PXDNL: variants seen among roughly 807,000 people sequenced by gnomAD.
The protein encoded by PXDNL is peroxidasin like, also known as probable oxidoreductase PXDNL.
A neutral mutation model predicts 150.8 loss-of-function variants in PXDNL; 145 were observed. The ratio of observed to expected loss-of-function variants is 0.96; its 90% CI spans 0.84 to 1.10. The LOEUF (loss-of-function observed/expected upper bound fraction) is 1.10, where lower values mean the gene tolerates loss of function less well. Among genes scored for constraint, PXDNL ranks in the 50% least tolerant of loss-of-function variants. The probability of loss-of-function intolerance (pLI) is 0.00; values close to 1 mark genes in which losing one functional copy is unlikely to be tolerated. For synonymous variants in PXDNL, 757 were observed against 725.7 expected (o/e 1.04, Z -0.69); for missense variants, 2,087 against 1,873.9 (o/e 1.11, Z -2.10).
Position 51,524,225 on chromosome 8 carries a change from G to A in PXDNL, c.381-24455C>T, listed in dbSNP as rs906652112. ...ACGCTCCCTAACATGACATCTAGTTGTTTTCATCCTCTGAAAAGCTGTTTT... is the reference window on the plus strand; with the variant it reads ...ACGCTCCCTAACATGACATCTAGTTATTTTCATCCTCTGAAAAGCTGTTTT... On this transcript the variant is annotated intron_variant, in intron 4 of 22. Transcript: ENST00000356297. Among the ~76,000 whole-genome samples, 10 of 152,186 alleles carry A rather than the reference G, an allele frequency of 6.6e-5. No individual in the cohort carries two copies. In the East Asian group the frequency reaches 1.5e-3, roughly 24 times the overall value.
chr8:51,378,912 C>T (rs1045395557), intron 17 of PXDNL, among the ~76,000 whole-genome samples: 5 of 152,154 alleles, frequency 3.3e-5, no homozygotes, highest in South Asian at 4.2e-4. Context: ...GTAACACTCA[C>T]GGCGAGGGTC....
intron 7 of PXDNL, among the ~76,000 whole-genome samples, chr8:51,472,945 A>T (rs1249673292): frequency 6.6e-6 from 1 of 152,172 alleles, no homozygotes; most frequent in East Asian, 1.9e-4. Flanking sequence ...AGTTTCACCT[A>T]ATTCTCTTTA....
At chr8:51,659,970 AACCTCC>A (rs1425289113) in intron 1 of PXDNL, among the ~76,000 whole-genome samples, 2 of 151,644 alleles carry the variant, frequency 1.3e-5, no homozygotes, top group Non-Finnish European at 2.9e-5. Context: ...AGCTCACTGC[AACCTCC>A]ACCTCCGAGT....
intron 5 of PXDNL, among the ~76,000 whole-genome samples, chr8:51,486,994 C>G (rs1327661055): frequency 6.6e-6 from 1 of 151,100 alleles, no homozygotes; most frequent in African/African-American, 2.4e-5. Flanking sequence ...GGGGTTTCAC[C>G]ATGTTGGCCA....
intron 2 of PXDNL, among the ~76,000 whole-genome samples, chr8:51,645,491 G>A (rs1814899008): frequency 6.6e-6 from 1 of 152,190 alleles, no homozygotes; most frequent in African/African-American, 2.4e-5. Context: ...CTGGTAAAAA[G>A]AGACAGGGAG....
chr8:51,356,086 A>G (rs1218168427), intron 19 of PXDNL, among the ~76,000 whole-genome samples: 1 of 152,252 alleles, frequency 6.6e-6, no homozygotes, highest in Non-Finnish European at 1.5e-5. Flanking sequence ...AACTGAGAGC[A>G]AATTACTTAA....
intron 16 of PXDNL, among the ~76,000 whole-genome samples, chr8:51,410,434 T>A (rs1808596088): frequency 6.6e-6 from 1 of 152,220 alleles, no homozygotes. Context: ...GGTATCTGGA[T>A]ATTTTGCCTC....
intron 4 of PXDNL, among the ~76,000 whole-genome samples, chr8:51,550,675 A>C (rs10105910): frequency 0.36 from 55,304 of 151,968 alleles, 11,309 homozygotes; most frequent in African/African-American, 0.54. Flanking sequence ...ATAGAAGGGA[A>C]ATACCCTAAG....
At chr8:51,672,892 G>A (rs1815529441) in intron 1 of PXDNL, among the ~76,000 whole-genome samples, 1 of 152,042 alleles carries the variant, frequency 6.6e-6, no homozygotes, top group South Asian at 2.1e-4. Flanking sequence ...CCAATTTTAA[G>A]AAAATATATT....
chr8:51,506,369 C>T lies in PXDNL; in HGVS notation c.381-6599G>A, dbSNP rs771159309. ...CATCCTGGCCAACATGGTGAAACCC[C>T]GTCTCTACTAAAAATACAAAAATTA... On this transcript the variant is annotated intron_variant, in intron 4 of 22. Coordinates refer to ENST00000356297, the MANE Select transcript of PXDNL (RefSeq NM_144651.5). Among the ~76,000 whole-genome samples, 410 of 151,768 alleles carry T rather than the reference C, an allele frequency of 2.7e-3. 1 individual carries two copies. The highest frequency in any genetic ancestry group is 3.8e-3 in the Non-Finnish European group (258 of 67,886).
Position 51,504,328 on chromosome 8 carries a change from G to T in PXDNL, c.381-4558C>A, listed in dbSNP as rs138835379. Among the ~76,000 whole-genome samples, 14 of 152,244 alleles carry T rather than the reference G, an allele frequency of 9.2e-5. No individual in the cohort carries two copies. In the East Asian group the frequency reaches 2.5e-3, roughly 27 times the overall value. On this transcript the variant is annotated intron_variant, in intron 4 of 22. Coordinates refer to ENST00000356297, the MANE Select transcript of PXDNL (RefSeq NM_144651.5). ...AGAGCCCAAGTTCCAGCCTGGTCTT[G>T]CCTGTAAATGCCCTTCCAGTATCCC... is the stretch of plus-strand genomic sequence containing the variant.
intron 17 of PXDNL, among the ~76,000 whole-genome samples, chr8:51,397,836 T>A (rs532567229): frequency 6.6e-6 from 1 of 152,074 alleles, no homozygotes; most frequent in Non-Finnish European, 1.5e-5. Context: ...ACATGTGCCA[T>A]GTTGGTGTGC....
chr8:51,651,988 A>G (rs16916660), intron 2 of PXDNL, among the ~76,000 whole-genome samples: 18,531 of 152,150 alleles, frequency 0.12, 1,930 homozygotes, highest in African/African-American at 0.27. Flanking sequence ...ACCTCTTAGC[A>G]AGCTCTGTTT....
intron 1 of PXDNL, among the ~76,000 whole-genome samples, chr8:51,798,668 A>G (rs1158201349): frequency 6.6e-6 from 1 of 152,246 alleles, no homozygotes; most frequent in Non-Finnish European, 1.5e-5. Flanking sequence ...TGATTATTAA[A>G]AAGTCAAGAA....
intron 1 of PXDNL, among the ~76,000 whole-genome samples, chr8:51,756,404 AAAAG>A (rs2037101990): frequency 6.6e-6 from 1 of 151,748 alleles, no homozygotes; most frequent in South Asian, 2.1e-4. Flanking sequence ...AAAAAAAAAA[AAAAG>A]GAAAGAAAGA....
At chr8:51,745,076 G>A (rs1282452044) in intron 1 of PXDNL, among the ~76,000 whole-genome samples, 1 of 152,132 alleles carries the variant, frequency 6.6e-6, no homozygotes, top group Non-Finnish European at 1.5e-5. Flanking sequence ...ATATAATACT[G>A]TTAGTTAATT....
chr8:51,583,499 C>T (rs28712198), intron 3 of PXDNL, among the ~76,000 whole-genome samples: 11,843 of 152,136 alleles, frequency 0.078, 770 homozygotes, highest in East Asian at 0.24. Flanking sequence ...CTCTTCCCTC[C>T]TCAAAATTCC....
intron 4 of PXDNL, among the ~76,000 whole-genome samples, chr8:51,550,548 G>C (rs1812456924): frequency 6.6e-6 from 1 of 152,042 alleles, no homozygotes; most frequent in African/African-American, 2.4e-5. Context: ...CAATAAATGT[G>C]ATACACCACA....
At chr8:51,418,653 G>T (rs916735507) in intron 14 of PXDNL, among the ~76,000 whole-genome samples, 1 of 152,144 alleles carries the variant, frequency 6.6e-6, no homozygotes, top group South Asian at 2.1e-4. Flanking sequence ...CTCAATAAAT[G>T]TTAACTGTTT....
Sources: allele counts gnomAD v4.1 joint callset (sites outside exome capture counted in the v4.1 genomes callset), GRCh38; gene constraint gnomAD v4.1.1; transcripts MANE v1.5; gene names NCBI Gene and HGNC (gene_info 2026-07-23, HGNC 2026-07-21).